PASK: variants seen among roughly 807,000 people sequenced by gnomAD.
The protein encoded by PASK is PAS domain-containing serine/threonine-protein kinase.
A neutral mutation model predicts 121.0 loss-of-function variants in PASK; 110 were observed. The ratio of observed to expected loss-of-function variants is 0.91; its 90% CI spans 0.78 to 1.06. PASK has a LOEUF of 1.06. Among genes scored for constraint, PASK ranks in the 50% least tolerant of loss-of-function variants. The pLI is 0.00. For synonymous variants in PASK, 686 were observed against 717.8 expected, an observed-to-expected ratio of 0.96 and a Z score of 0.71; for missense variants, 1,643 against 1,702.3, an observed-to-expected ratio of 0.97 and a Z score of 0.61.
intron 9 of PASK, among the ~76,000 whole-genome samples, chr2:241,132,460 T>C (rs1384979257): frequency 7.3e-6 from 1 of 136,262 alleles, no homozygotes; most frequent in Non-Finnish European, 1.5e-5. Context: ...GAGCTTGCAA[T>C]GCAATGAGCA....
chr2:241,112,050 C>T lies in PASK; in HGVS notation c.3533+190G>A, dbSNP rs1469115445. ...AAAATAAAATTATTAACTCCTATAT[C>T]CATCGCCCAGTGCCTTTGCCCAATA... On this transcript the variant is annotated intron_variant, in intron 15 of 17. Coordinates refer to ENST00000234040, the MANE Select transcript of PASK (RefSeq NM_015148.4). This position sits in a 1 kb window ranked among gnomAD's most constrained non-coding sequence, Gnocchi z 5.2. 6.6e-6 allele frequency among the ~76,000 whole-genome samples: 1 copy of T among 152,032 alleles called. No individual in the cohort carries two copies. Among genetic ancestry groups the T allele is most frequent in the East Asian group, 1.9e-4 (1 of 5,200 alleles).
chr2:241,107,961 C>A (rs1033863241), intron 16 of PASK, among the ~76,000 whole-genome samples: 3 of 152,100 alleles, frequency 2.0e-5, no homozygotes, highest in African/African-American at 7.2e-5. Context: ...CACAAGAGGG[C>A]CTCTAAGATC....
chr2:241,107,173 C>A (rs952231234), intron 17 of PASK, among the ~76,000 whole-genome samples, 180 bp downstream of exon 17: 1 of 152,164 alleles, frequency 6.6e-6, no homozygotes. Flanking sequence ...CCAGAGGCCT[C>A]GGGACAGAAT....
In PASK at chr2:241,138,015, G is replaced by T; in HGVS notation, c.814C>A (p.Gln272Lys). 6.2e-7 allele frequency: 1 copy of T among 1,614,102 alleles called. No individual in the cohort carries two copies. Among genetic ancestry groups the T allele is most frequent in the Non-Finnish European group, 8.5e-7 (1 of 1,179,916 alleles). The change falls in exon 6 of 18, where the codon CAG becomes AAG. Residue 272 changes from glutamine (Q) to lysine (K), a missense_variant. Gln to Lys is a moderately conservative substitution (Grantham distance 53). This residue lies in a region of PASK where 1,176 missense variants were observed against 1,162.2 expected (regional missense o/e 1.01). Transcript: ENST00000234040. ...GYVSGEDVAG[Q>K]HITDLIPSVQ... ...GAAGGGATCAGGTCTGTGATATGCT[G>T]CCCAGCCACGTCCTCCCCAGACACG...
At chr2:241,119,057 G>T in intron 12 of PASK, 5 of 525,184 alleles carry the variant, frequency 9.5e-6, no homozygotes, top group Non-Finnish European at 1.2e-5. Flanking sequence ...AGGCTGGACA[G>T]AGGGAGGATT....
At chr2:241,134,878 G>C (rs2066334287) in intron 8 of PASK, 1 of 152,186 alleles carries the variant, frequency 6.6e-6, no homozygotes, top group African/African-American at 2.4e-5. Flanking sequence ...ACCACACCCA[G>C]TGAGCCCACG....
intron 11 of PASK, among the ~76,000 whole-genome samples, 170 bp downstream of exon 11, chr2:241,123,779 T>C (rs555852601): frequency 2.7e-5 from 4 of 150,076 alleles, no homozygotes; most frequent in African/African-American, 4.9e-5. Flanking sequence ...GAAAGCACCA[T>C]TGCACTCCAG....
intron 12 of PASK, among the ~76,000 whole-genome samples, chr2:241,122,353 T>C (rs2065649879): frequency 6.6e-6 from 1 of 152,218 alleles, no homozygotes; most frequent in South Asian, 2.1e-4. Flanking sequence ...TTAAGCATGT[T>C]TTCAGCATGC....
intron 9 of PASK, among the ~76,000 whole-genome samples, chr2:241,130,931 G>A (rs752565904): frequency 6.6e-6 from 1 of 152,154 alleles, no homozygotes. Flanking sequence ...AACAGAAGCA[G>A]TTACATGTGA....
chr2:241,148,980 C>A (rs1169542608), intron 1 of PASK, among the ~76,000 whole-genome samples: 1 of 140,412 alleles, frequency 7.1e-6, no homozygotes, highest in Non-Finnish European at 1.5e-5. Flanking sequence ...GCGCCCCCGA[C>A]CCCGCGGCGC....
intron 12 of PASK, among the ~76,000 whole-genome samples, chr2:241,120,117 C>T (rs1023805164): frequency 6.6e-6 from 1 of 152,036 alleles, no homozygotes; most frequent in Non-Finnish European, 1.5e-5. Context: ...ATTTGCAAAT[C>T]ATATATCTGA....
At chr2:241,119,198 T>A (rs2065496674) in intron 12 of PASK, among the ~76,000 whole-genome samples, 1 of 152,226 alleles carries the variant, frequency 6.6e-6, no homozygotes, top group Non-Finnish European at 1.5e-5. Flanking sequence ...CTCTGTAGTT[T>A]AAGGAGACGC....
In PASK at chr2:241,149,437, A is replaced by C; in HGVS notation, c.-66T>G. On this transcript the variant is annotated 5_prime_UTR_variant, in exon 1 of 18. Coordinates refer to ENST00000234040, the MANE Select transcript of PASK (RefSeq NM_015148.4). ...ACCTGGATCAGGCGAGGGTCACGCC[A>C]AGCCGGCTACACACCACGGAAAGGA... is the stretch of plus-strand genomic sequence containing the variant. The C allele has an allele frequency of 1.8e-6, 1 of 558,312 alleles. No individual in the cohort carries two copies. Among genetic ancestry groups the C allele is most frequent in the South Asian group, 2.1e-5 (1 of 47,456 alleles). The allele number at this position is 558,312 out of a possible 1,614,324, so 34.6% of individuals were successfully genotyped here.
chr2:241,123,157 C>CAGATTTA (rs1293417601), intron 11 of PASK, among the ~76,000 whole-genome samples: 1 of 150,880 alleles, frequency 6.6e-6, no homozygotes, highest in Non-Finnish European at 1.5e-5. Flanking sequence ...TGGGCCTAGG[C>CAGATTTA]AGATTTAAAG....
chr2:241,131,150 ATTTT>A (rs58426249), intron 9 of PASK, among the ~76,000 whole-genome samples: 3 of 141,854 alleles, frequency 2.1e-5, no homozygotes, highest in African/African-American at 7.8e-5. Context: ...CATGTATTAC[ATTTT>A]TTTTTTTTTT....
intron 1 of PASK, 114 bp from the exon 2 acceptor site, chr2:241,143,188 A>C: frequency 4.4e-6 from 3 of 684,658 alleles, no homozygotes; most frequent in Non-Finnish European, 5.3e-6. Context: ...TACACCACCA[A>C]CCGCCATCCT....
intron 1 of PASK, 76 bp downstream of exon 1, chr2:241,149,338 G>C (rs1044104834): frequency 2.0e-5 from 5 of 256,180 alleles, no homozygotes; most frequent in Non-Finnish European, 3.7e-5. Flanking sequence ...CCAGGGGCGC[G>C]GAGCCGCGCA....
rs367885509 is a variant in PASK, at chr2:241,126,984, T to C, written c.1931A>G (p.Asp644Gly). The C allele has an allele frequency of 3.1e-6, 5 of 1,614,118 alleles. No homozygotes were observed. The African/African-American group carries it at 5.3e-5, about 17-fold the overall frequency. ...AGLSFGTPTL[D>G]EPWLGVENDR... Reference sequence around the variant, plus strand: ...GTTTTCCACTCCCAGCCACGGCTCATCTAGAGTAGGTGTCCCAAACGAGAG... The same window carrying C: ...GTTTTCCACTCCCAGCCACGGCTCACCTAGAGTAGGTGTCCCAAACGAGAG... The change falls in exon 10 of 18, where the codon GAT becomes GGT. Residue 644 changes from aspartate to glycine, a missense_variant. Around this residue, in one of 3 missense-constraint regions of PASK, gnomAD observed 1,176 missense variants for 1,162.2 expected, o/e 1.01. Transcript: ENST00000234040.
chr2:241,133,005 A>G lies in PASK; in HGVS notation c.1332T>C (p.Ala444=), dbSNP rs1269870651. 2 of 1,614,086 alleles carry G rather than the reference A, an allele frequency of 1.2e-6. No individual in the cohort carries two copies. Among genetic ancestry groups the G allele is most frequent in the Non-Finnish European group, 8.5e-7 (1 of 1,180,036 alleles). Reference sequence around the variant, plus strand: ...CATCTCGGGGCACAACGTGGCCACCAGCAAGCACGACATTAATCCTTGGAT... The same window carrying G: ...CATCTCGGGGCACAACGTGGCCACCGGCAAGCACGACATTAATCCTTGGAT... ...GQDPRINVVL[A]GGHVVPRDEI... Residue 444 remains alanine, a synonymous_variant, in exon 9 of 18, where the codon GCT becomes GCC. Coordinates refer to ENST00000234040, the MANE Select transcript of PASK (RefSeq NM_015148.4).
Sources: allele counts gnomAD v4.1 joint callset (sites outside exome capture counted in the v4.1 genomes callset), GRCh38; gene constraint gnomAD v4.1.1; regional missense constraint gnomAD v4.1.1; non-coding constraint Gnocchi (gnomAD v3.1); transcripts MANE v1.5; gene names NCBI Gene and HGNC (gene_info 2026-07-23, HGNC 2026-07-21).